Variants in CSPP1 observed in about 807,000 individuals in gnomAD.
CSPP1 encodes centrosome and spindle pole-associated protein 1.
Under a neutral mutation model 164.4 loss-of-function variants are expected in CSPP1, and 126 were observed. The ratio of observed to expected loss-of-function variants is 0.77; its 90% CI spans 0.66 to 0.89. The LOEUF is 0.89. Ranked by LOEUF, CSPP1 falls within the 40% of genes least tolerant of loss-of-function variation. The probability of loss-of-function intolerance (pLI) is 0.00; values close to 1 mark genes in which losing one functional copy is unlikely to be tolerated. For synonymous variants in CSPP1, 472 were observed against 476.7 expected (o/e 0.99, Z 0.13); for missense variants, 1,395 against 1,449.8 (o/e 0.96, Z 0.61).
At chr8:67,153,152 A>C (rs1447835103) in intron 18 of CSPP1, among the ~76,000 whole-genome samples, 2 of 152,186 alleles carry the variant, frequency 1.3e-5, no homozygotes, top group Non-Finnish European at 2.9e-5. Flanking sequence ...CAGTGAGCCG[A>C]GATCATGCCA....
At chr8:67,194,598 C>CTGTT (rs1491369279) in intron 30 of CSPP1, among the ~76,000 whole-genome samples, 1 of 151,802 alleles carries the variant, frequency 6.6e-6, no homozygotes, top group African/African-American at 2.4e-5. Flanking sequence ...AATGTCTACA[C>CTGTT]TGTTTTTTAA....
intron 15 of CSPP1, among the ~76,000 whole-genome samples, chr8:67,122,035 ATTATTTAT>A (rs559337948): frequency 6.6e-6 from 1 of 151,520 alleles, no homozygotes. Context: ...ATTATATTTT[ATTATTTAT>A]TTATTTATTT....
chr8:67,176,897 C>T (rs945691531), intron 26 of CSPP1, among the ~76,000 whole-genome samples: 1 of 151,890 alleles, frequency 6.6e-6, no homozygotes, highest in African/African-American at 2.4e-5. Context: ...TAGTGAAACC[C>T]CCGTCTCTAC....
intron 15 of CSPP1, among the ~76,000 whole-genome samples, chr8:67,128,706 A>G (rs1013748384): frequency 4.6e-5 from 7 of 152,222 alleles, no homozygotes; most frequent in Non-Finnish European, 8.8e-5. Context: ...AGTTACACTC[A>G]TTAGCACAGA....
chr8:67,175,221 C>A, intron 25 of CSPP1, 75 bp from the exon 26 acceptor site: 1 of 1,077,560 alleles, frequency 9.3e-7, no homozygotes, highest in Non-Finnish European at 1.4e-6. Context: ...ACTCATGTTA[C>A]TTACAGTGAA....
chr8:67,176,757 T>A (rs1831750619), intron 26 of CSPP1, among the ~76,000 whole-genome samples: 1 of 152,110 alleles, frequency 6.6e-6, no homozygotes. Context: ...GTAGACACTA[T>A]GAAGACCTAA....
At chr8:67,097,853 ATAGAT>A (rs955925551) in intron 7 of CSPP1, among the ~76,000 whole-genome samples, 3 of 151,980 alleles carry the variant, frequency 2.0e-5, no homozygotes, top group Non-Finnish European at 2.9e-5. Context: ...CTATTTAAGA[ATAGAT>A]TAAACATGAG....
At chr8:67,129,700 A>G (rs550471990) in intron 15 of CSPP1, among the ~76,000 whole-genome samples, 3 of 152,318 alleles carry the variant, frequency 2.0e-5, no homozygotes, top group South Asian at 4.1e-4. Context: ...TGAACTACTG[A>G]TATGATATAA....
intron 8 of CSPP1, 73 bp downstream of exon 8, chr8:67,103,208 C>T: frequency 1.2e-6 from 1 of 829,866 alleles, no homozygotes; most frequent in Non-Finnish European, 2.0e-6. Flanking sequence ...AACTGGCTAA[C>T]TGAAAAAGTA....
In CSPP1 at chr8:67,093,189, C is replaced by T. The variant is rs79027784; in HGVS notation, c.385-354C>T. Among the ~76,000 whole-genome samples, 403 of 152,276 alleles carry T rather than the reference C, an allele frequency of 2.6e-3. 1 individual carries two copies. Among genetic ancestry groups the T allele is most frequent in the African/African-American group, 9.3e-3 (385 of 41,540 alleles). On this transcript the variant is annotated intron_variant, in intron 5 of 30. Transcript: ENST00000678616. ...ATCTATGGATTTATGTGGCATGGCT[C>T]TTTGGAAAATGTCATCTAAGCTCTG... is the stretch of plus-strand genomic sequence containing the variant.
Position 67,064,509 on chromosome 8 carries a change from C to T in CSPP1, c.-40C>T. On this transcript the variant is annotated 5_prime_UTR_variant, in exon 1 of 31. Coordinates refer to ENST00000678616, the MANE Select transcript of CSPP1 (RefSeq NM_001382391.1). ...CCCGCTCCCCTGAGTAAGAGTCAGC[C>T]AGCCGCGGATGGGGAGCGTGAGTGG... 3 of 1,613,314 alleles carry T rather than the reference C, an allele frequency of 1.9e-6. No individual in the cohort carries two copies. The highest frequency in any genetic ancestry group is 2.5e-6 in the Non-Finnish European group (3 of 1,179,786).
At chr8:67,121,364 TTTG>T (rs1818936733) in intron 15 of CSPP1, among the ~76,000 whole-genome samples, 1 of 152,210 alleles carries the variant, frequency 6.6e-6, no homozygotes. Flanking sequence ...CTATTCCTAG[TTTG>T]TTGAGTTTTA....
intron 25 of CSPP1, chr8:67,173,568 T>C (rs1830899550): frequency 1.3e-5 from 2 of 152,120 alleles, no homozygotes; most frequent in Admixed American, 1.3e-4. Context: ...AGAAAGATAG[T>C]AAGAAGGAAA....
At chr8:67,148,636 A>C (rs1391467401) in intron 17 of CSPP1, among the ~76,000 whole-genome samples, 1 of 152,146 alleles carries the variant, frequency 6.6e-6, no homozygotes, top group Non-Finnish European at 1.5e-5. Context: ...TGGAATTCTA[A>C]TTGTGATTCA....
intron 15 of CSPP1, 91 bp downstream of exon 15, chr8:67,118,912 G>A (rs781443954): frequency 6.1e-6 from 5 of 820,276 alleles, no homozygotes; most frequent in Non-Finnish European, 1.0e-5. Flanking sequence ...ACATTTTAGA[G>A]TATACTATTT....
intron 16 of CSPP1, 61 bp from the exon 17 acceptor site, chr8:67,137,395 C>T: frequency 8.3e-7 from 1 of 1,202,116 alleles, no homozygotes; most frequent in Non-Finnish European, 1.1e-6. Flanking sequence ...TCTGGTATTA[C>T]TAACTTCTTG....
intron 17 of CSPP1, among the ~76,000 whole-genome samples, chr8:67,144,844 GGATC>G (rs1824184849): frequency 6.6e-6 from 1 of 151,818 alleles, no homozygotes; most frequent in Non-Finnish European, 1.5e-5. Flanking sequence ...TGAGGCAGGT[GGATC>G]ACAAGGTCAA....
intron 22 of CSPP1, among the ~76,000 whole-genome samples, chr8:67,163,237 G>T (rs188796748): frequency 4.8e-4 from 73 of 152,192 alleles, no homozygotes; most frequent in African/African-American, 1.6e-3. Context: ...AATGAGAGTA[G>T]GCAGTAGACC....
chr8:67,104,906 C>G (rs1206094478), intron 8 of CSPP1, among the ~76,000 whole-genome samples: 1 of 136,320 alleles, frequency 7.3e-6, no homozygotes, highest in Non-Finnish European at 1.5e-5. Flanking sequence ...TCCCAAAATG[C>G]TGGGATTACA....
Sources: gnomAD v4.1 joint callset for allele counts (sites outside exome capture counted in the v4.1 genomes callset) on GRCh38, gnomAD v4.1.1 for gene constraint, MANE v1.5 for transcripts, NCBI Gene and HGNC (gene_info 2026-07-23, HGNC 2026-07-21) for gene names.